Variants in SLC25A21 observed in about 807,000 individuals in gnomAD.
The protein encoded by SLC25A21 is solute carrier family 25 member 21.
SLC25A21 carries 47 observed loss-of-function variants against 43.8 expected under a neutral mutation model. The observed-to-expected ratio is 1.07, with a 90% CI of 0.85 to 1.37. SLC25A21 has a LOEUF of 1.37. Ranked by LOEUF, SLC25A21 falls within the 40% of genes most tolerant of loss-of-function variation. SLC25A21 has a pLI of 0.00. For synonymous variants in SLC25A21, 131 were observed against 121.3 expected, an observed-to-expected ratio of 1.08 and a Z score of -0.52; for missense variants, 352 against 350.2, an observed-to-expected ratio of 1.00 and a Z score of -0.04.
chr14:36,971,924 T>C (rs1035448575), intron 1 of SLC25A21, among the ~76,000 whole-genome samples: 1 of 152,152 alleles, frequency 6.6e-6, no homozygotes, highest in Non-Finnish European at 1.5e-5. Context: ...GTAAATATTG[T>C]GTTAAGAAGA....
intron 3 of SLC25A21, chr14:36,788,536 C>G (rs150454727): frequency 2.0e-5 from 3 of 148,176 alleles, no homozygotes; most frequent in African/African-American, 7.5e-5. Context: ...CCAGGCCGCC[C>G]TTTAATTGTG....
At chr14:37,075,242 T>C (rs17095955) in intron 1 of SLC25A21, among the ~76,000 whole-genome samples, 1,687 of 152,230 alleles carry the variant, frequency 0.011, 25 homozygotes, top group African/African-American at 0.039. Flanking sequence ...TGATTTACAC[T>C]TCATGGGTGG....
At chr14:37,053,339 T>C (rs746338710) in intron 1 of SLC25A21, among the ~76,000 whole-genome samples, 1 of 152,176 alleles carries the variant, frequency 6.6e-6, no homozygotes, top group Non-Finnish European at 1.5e-5. Context: ...GAGGAATCTA[T>C]TAGAGAACAA....
chr14:37,027,881 T>C (rs2138763422), intron 1 of SLC25A21, among the ~76,000 whole-genome samples: 1 of 152,262 alleles, frequency 6.6e-6, no homozygotes, highest in African/African-American at 2.4e-5. Context: ...CATCAGAAAT[T>C]CCACTGCATA....
rs370402971 is a variant in SLC25A21, at chr14:36,954,802, T to C, written c.71-79798A>G. Among the ~76,000 whole-genome samples the C allele has an allele frequency of 3.3e-5, 5 of 152,252 alleles. No individual in the cohort carries two copies. In the South Asian group the frequency reaches 6.2e-4, roughly 19 times the overall value. ...TTTCCTTTCCTTCCTCTACCTTTCT[T>C]CATTTTCTTTGTACCTGCAATGACT... On this transcript the variant is annotated intron_variant, in intron 1 of 9. Transcript: ENST00000331299.
At position 36,680,302 on chromosome 14, in the gene SLC25A21, A is replaced by G; in HGVS notation, c.*356T>C. On this transcript the variant is annotated 3_prime_UTR_variant, in exon 10 of 10. Coordinates refer to ENST00000331299, the MANE Select transcript of SLC25A21 (RefSeq NM_030631.4). ...TTTAAGCATTTCTAGACCTCTTAGG[A>G]AAAATGCTGATCAATACAATGAATT... The G allele has an allele frequency of 1.0e-6, 1 of 992,460 alleles. No homozygotes were observed. The highest frequency in any genetic ancestry group is 1.2e-6 in the Non-Finnish European group (1 of 834,012). 61.5% of individuals were successfully genotyped at this position (992,460 alleles called of 1,614,324 possible).
chr14:36,928,469 A>C (rs1892191947), intron 1 of SLC25A21, among the ~76,000 whole-genome samples: 1 of 152,104 alleles, frequency 6.6e-6, no homozygotes, highest in Admixed American at 6.6e-5. Context: ...TAATGGAAGC[A>C]CTTTTCTAAA....
intron 3 of SLC25A21, among the ~76,000 whole-genome samples, chr14:36,772,089 C>T (rs971915565): frequency 3.9e-5 from 6 of 152,164 alleles, no homozygotes; most frequent in Non-Finnish European, 7.4e-5. Context: ...TGCCACTTCA[C>T]GGCCACAGCT....
At chr14:36,897,378 C>T (rs1309758257) in intron 1 of SLC25A21, among the ~76,000 whole-genome samples, 2 of 152,186 alleles carry the variant, frequency 1.3e-5, no homozygotes, top group East Asian at 1.9e-4. Context: ...CCTTGGTTTT[C>T]AGCTCCATCA....
intron 6 of SLC25A21, among the ~76,000 whole-genome samples, chr14:36,723,190 C>G (rs1419167078): frequency 6.6e-6 from 1 of 152,200 alleles, no homozygotes; most frequent in Non-Finnish European, 1.5e-5. Flanking sequence ...ATGTTCTATT[C>G]TTATCACGTC....
In SLC25A21 at chr14:36,856,379, A is replaced by T. The variant is rs115823401; in HGVS notation, c.119+18577T>A. ...TTCCAAAGCGGTCAGGCCAGTCCTG[A>T]TCTGGATCTCGAGCATTAAGTCCCA... On this transcript the variant is annotated intron_variant, in intron 2 of 9. Transcript: ENST00000331299. Among the ~76,000 whole-genome samples the T allele has an allele frequency of 4.7e-3, 709 of 152,168 alleles. 5 individuals carry two copies. The highest frequency in any genetic ancestry group is 0.017 in the African/African-American group (694 of 41,518).
rs762441134 is a variant in SLC25A21 at position 36,813,917 on chromosome 14, C to T, written c.203+1G>A. The stretch of plus-strand genomic sequence containing the variant: ...AATGGCTATATGAAGAATATACATA[C>T]CCTTCCATTTGGAAAATCATTCGAA... On this transcript the variant is annotated splice_donor_variant, in intron 3 of 9. Coordinates refer to ENST00000331299, the MANE Select transcript of SLC25A21 (RefSeq NM_030631.4). LOFTEE classifies it high-confidence loss of function. The T allele has an allele frequency of 1.8e-5, 28 of 1,574,538 alleles. No homozygotes were observed. The highest frequency in any genetic ancestry group is 4.4e-6 in the Non-Finnish European group (5 of 1,149,202).
In SLC25A21 at chr14:36,727,690, A is replaced by G. The variant is rs373219028; in HGVS notation, c.330+1817T>C. On this transcript the variant is annotated intron_variant, in intron 5 of 9. Transcript: ENST00000331299. The stretch of plus-strand genomic sequence containing the variant: ...GCGACAGATTGAGACTCTGTCTCAA[A>G]AAAAAAGAAAAAGAAAATGAAAAAG... Among the ~76,000 whole-genome samples, 169 of 152,278 alleles carry G rather than the reference A, an allele frequency of 1.1e-3. 1 individual carries two copies. The highest frequency in any genetic ancestry group is 3.9e-3 in the African/African-American group (163 of 41,542).
At position 36,679,675 on chromosome 14, in the gene SLC25A21, T is replaced by C; in HGVS notation, c.*983A>G. 1.0e-6 allele frequency: 1 copy of C among 985,426 alleles called. No homozygotes were observed. Among genetic ancestry groups the C allele is most frequent in the Non-Finnish European group, 1.2e-6 (1 of 829,902 alleles). 61.0% of individuals were successfully genotyped at this position (985,426 alleles called of 1,614,324 possible). A position where few individuals can be genotyped will look rare whatever the true frequency, so the allele number is the denominator to read the frequency against. ...CAGACAGCTGACTTCCCACCTGAAGTTGTCGTTTAAAACTAATAACCTGAA... is the reference window on the plus strand; with the variant it reads ...CAGACAGCTGACTTCCCACCTGAAGCTGTCGTTTAAAACTAATAACCTGAA... On this transcript the variant is annotated 3_prime_UTR_variant, in exon 10 of 10. Transcript: ENST00000331299.
chr14:36,863,379 A>G (rs779552356), intron 2 of SLC25A21, among the ~76,000 whole-genome samples: 8 of 150,488 alleles, frequency 5.3e-5, no homozygotes, highest in Non-Finnish European at 1.2e-4. Flanking sequence ...CTATACAAAC[A>G]CTAAATCTTC....
intron 1 of SLC25A21, among the ~76,000 whole-genome samples, chr14:37,108,738 TGC>T (rs1236037129): frequency 1.2e-4 from 17 of 144,688 alleles, no homozygotes; most frequent in African/African-American, 4.0e-4. Context: ...TGTGTGTGTG[TGC>T]GTGTGTGTGT....
intron 1 of SLC25A21, among the ~76,000 whole-genome samples, chr14:37,021,112 G>A (rs1340701026): frequency 6.6e-6 from 1 of 151,942 alleles, no homozygotes; most frequent in Non-Finnish European, 1.5e-5. Context: ...CCTGTTCAAA[G>A]CCAGTGTTAT....
chr14:36,946,702 T>C (rs1229905439), intron 1 of SLC25A21, among the ~76,000 whole-genome samples: 2 of 152,150 alleles, frequency 1.3e-5, no homozygotes, highest in Non-Finnish European at 2.9e-5. Context: ...TAGGTAACAG[T>C]TGGTTTTGCT....
At chr14:37,031,434 T>C (rs1304561252) in intron 1 of SLC25A21, among the ~76,000 whole-genome samples, 1 of 152,198 alleles carries the variant, frequency 6.6e-6, no homozygotes, top group Non-Finnish European at 1.5e-5. Context: ...ATTTAGAATA[T>C]AAAATGTGGC....
Sources: allele counts gnomAD v4.1 joint callset (sites outside exome capture counted in the v4.1 genomes callset), GRCh38; gene constraint gnomAD v4.1.1; transcripts MANE v1.5; gene names NCBI Gene and HGNC (gene_info 2026-07-23, HGNC 2026-07-21).